SH3KBP1: variants seen among roughly 807,000 people sequenced by gnomAD.
SH3KBP1 encodes SH3 domain containing kinase binding protein 1, also known as SH3 domain-containing kinase-binding protein 1.
A neutral mutation model predicts 50.1 loss-of-function variants in SH3KBP1; 8 were observed. The ratio of observed to expected loss-of-function variants is 0.16; its 90% CI spans 0.09 to 0.29. The LOEUF (loss-of-function observed/expected upper bound fraction) is 0.29, where lower values mean the gene tolerates loss of function less well. SH3KBP1 is among the 10% of genes least tolerant of loss of function. The pLI is 1.00. For synonymous variants in SH3KBP1, 227 were observed against 218.6 expected (o/e 1.04, Z -0.34); for missense variants, 377 against 535.2 (o/e 0.70, Z 2.92).
At chrX:19,785,426 G>A (rs190597293) in intron 2 of SH3KBP1, among the ~76,000 whole-genome samples, 6 of 110,379 alleles carry the variant, frequency 5.4e-5, no homozygotes, top group African/African-American at 2.0e-4. Context: ...TACTTGGGAG[G>A]CTGAGGTGGG....
At chrX:19,795,436 C>G (rs2066680118) in intron 2 of SH3KBP1, among the ~76,000 whole-genome samples, 1 of 111,596 alleles carries the variant, frequency 9.0e-6, no homozygotes. Flanking sequence ...GTCTCAATTA[C>G]TATGACCACA....
At chrX:19,756,163 C>G (rs2065205664) in intron 2 of SH3KBP1, among the ~76,000 whole-genome samples, 1 of 111,372 alleles carries the variant, frequency 9.0e-6, no homozygotes, top group East Asian at 2.8e-4. Flanking sequence ...GCTCAGTACA[C>G]AGAAGGACCC....
chrX:19,613,836 G>A (rs2067511003), intron 8 of SH3KBP1, among the ~76,000 whole-genome samples: 1 of 112,308 alleles, frequency 8.9e-6, no homozygotes. Flanking sequence ...GAGCAAGCAT[G>A]GGCCATGTGA....
chrX:19,652,506 C>A (rs2062155000), intron 6 of SH3KBP1, among the ~76,000 whole-genome samples: 2 of 111,317 alleles, frequency 1.8e-5, no homozygotes, highest in African/African-American at 6.5e-5. Context: ...TTCTCTTGTT[C>A]TGAAATCATT....
At chrX:19,813,850 GT>G (rs912924750) in intron 2 of SH3KBP1, among the ~76,000 whole-genome samples, 1 of 112,104 alleles carries the variant, frequency 8.9e-6, no homozygotes, top group African/African-American at 3.2e-5. Context: ...TTTCTCCAGT[GT>G]CTTGGAGTGG....
intron 3 of SH3KBP1, among the ~76,000 whole-genome samples, chrX:19,713,890 A>G (rs945801284): frequency 3.6e-5 from 4 of 111,946 alleles, no homozygotes; most frequent in African/African-American, 1.3e-4. Context: ...TTAGCTCTTC[A>G]TGTTTACCTC....
In SH3KBP1 at chrX:19,739,014, G is replaced by GAAAA. The variant is rs1167676836; in HGVS notation, c.286+7300_286+7303dup. On this transcript the variant is annotated intron_variant, in intron 3 of 17. Coordinates refer to ENST00000397821, the MANE Select transcript of SH3KBP1 (RefSeq NM_031892.3). Reference sequence around the variant, plus strand: ...GGATAGAGCGAGACTCTGCCTCCAAGAAAAAAAAAAAAAAAAAAAAAAAAA... The same window carrying GAAAA: ...GGATAGAGCGAGACTCTGCCTCCAAGAAAAAAAAAAAAAAAAAAAAAAAAAAAAA... 9.7e-3 allele frequency among the ~76,000 whole-genome samples: 218 copies of GAAAA among 22,453 alleles called. 11 individuals are homozygous for GAAAA. The highest frequency in any genetic ancestry group is 0.03 in the African/African-American group (204 of 6,861). The allele number at this position is 22,453 out of a possible 115,157, so 19.5% of individuals were successfully genotyped here.
Position 19,850,127 on chromosome X carries a change from T to C in SH3KBP1, c.5-13845A>G, listed in dbSNP as rs73631374. On this transcript the variant is annotated intron_variant, in intron 1 of 17. Coordinates refer to ENST00000397821, the MANE Select transcript of SH3KBP1 (RefSeq NM_031892.3). Reference sequence around the variant, plus strand: ...GGCAACAAAATATTAAATGTGTGTATTGTATACATATGTATGTTTCAATAT... The same window carrying C: ...GGCAACAAAATATTAAATGTGTGTACTGTATACATATGTATGTTTCAATAT... 5.2e-3 allele frequency among the ~76,000 whole-genome samples: 577 copies of C among 112,022 alleles called. 2 individuals carry two copies. The highest frequency in any genetic ancestry group is 0.017 in the African/African-American group (538 of 30,845).
At chrX:19,642,583 C>T (rs915780121) in intron 7 of SH3KBP1, among the ~76,000 whole-genome samples, 10 of 111,883 alleles carry the variant, frequency 8.9e-5, no homozygotes, top group African/African-American at 2.9e-4. Context: ...AACTATTTTT[C>T]AGAAAAATAT....
At chrX:19,592,694 T>C (rs1222939863) in intron 10 of SH3KBP1, among the ~76,000 whole-genome samples, 1 of 112,059 alleles carries the variant, frequency 8.9e-6, no homozygotes, top group African/African-American at 3.2e-5. Flanking sequence ...TGATACCACA[T>C]AACTTCCAAA....
chrX:19,830,828 C>T (rs1303032387), intron 2 of SH3KBP1, among the ~76,000 whole-genome samples: 4 of 111,414 alleles, frequency 3.6e-5, no homozygotes, highest in Admixed American at 1.9e-4. Flanking sequence ...AAAGATTCTT[C>T]TTCCATATTT....
In SH3KBP1 at chrX:19,722,531, G is replaced by GGTGTGTGTGTGTGTGT. The variant is rs59121045; in HGVS notation, c.287-15563_287-15548dup. ...GCTCCCAGCCCTACTCAGCTGCACT[G>GGTGTGTGTGTGTGTGT]GTGTGTGTGTGTGTGTGTGTGTGTG... is the stretch of plus-strand genomic sequence containing the variant. On this transcript the variant is annotated intron_variant, in intron 3 of 17. Transcript: ENST00000397821. Among the ~76,000 whole-genome samples the GGTGTGTGTGTGTGTGT allele has an allele frequency of 1.1e-3, 114 of 101,042 alleles. 1 individual carries two copies. Among genetic ancestry groups the GGTGTGTGTGTGTGTGT allele is most frequent in the African/African-American group, 3.9e-3 (104 of 26,558 alleles). 87.7% of individuals were successfully genotyped at this position (101,042 alleles called of 115,157 possible). A position where few individuals can be genotyped will look rare whatever the true frequency, so the allele number is the denominator to read the frequency against.
chrX:19,762,252 T>C (rs2065456512), intron 2 of SH3KBP1, among the ~76,000 whole-genome samples: 1 of 112,037 alleles, frequency 8.9e-6, no homozygotes, highest in Non-Finnish European at 1.9e-5. Flanking sequence ...AAGACCCTCT[T>C]CTTGCCTGGG....
At chrX:19,707,022 C>T in intron 3 of SH3KBP1, 38 bp from the exon 4 acceptor site, 2 of 1,074,378 alleles carry the variant, frequency 1.9e-6, no homozygotes, top group African/African-American at 1.8e-5. Context: ...GACAGCTCTT[C>T]TCCCCAAATC....
chrX:19,628,445 G>T (rs929843502), intron 8 of SH3KBP1, among the ~76,000 whole-genome samples: 3 of 111,093 alleles, frequency 2.7e-5, no homozygotes, highest in Middle Eastern at 4.2e-3. Context: ...ACTCAGAGGG[G>T]GTAAGCAACA....
At chrX:19,682,115 G>A (rs910887230) in intron 6 of SH3KBP1, among the ~76,000 whole-genome samples, 2 of 110,734 alleles carry the variant, frequency 1.8e-5, no homozygotes, top group South Asian at 7.6e-4. Flanking sequence ...GGAGGAGGAC[G>A]ATGAGTTCAG....
At chrX:19,636,700 A>T (rs1344960934) in intron 7 of SH3KBP1, among the ~76,000 whole-genome samples, 1 of 112,173 alleles carries the variant, frequency 8.9e-6, no homozygotes, top group Non-Finnish European at 1.9e-5. Context: ...CAAACAAACA[A>T]GCAAAAACCC....
At chrX:19,838,276 G>A (rs1255661505) in intron 1 of SH3KBP1, among the ~76,000 whole-genome samples, 1 of 112,452 alleles carries the variant, frequency 8.9e-6, no homozygotes, top group Non-Finnish European at 1.9e-5. Flanking sequence ...CACACAGTCA[G>A]GGATCCTTTA....
chrX:19,554,323 T>A, intron 13 of SH3KBP1, among the ~76,000 whole-genome samples: 1 of 81,825 alleles, frequency 1.2e-5, no homozygotes, highest in African/African-American at 5.7e-5. Flanking sequence ...TACATCATAT[T>A]AAAATATAAT....
Sources: gnomAD v4.1 joint callset for allele counts (sites outside exome capture counted in the v4.1 genomes callset) on GRCh38, gnomAD v4.1.1 for gene constraint, MANE v1.5 for transcripts, NCBI Gene and HGNC (gene_info 2026-07-23, HGNC 2026-07-21) for gene names.